The following SORCS1 variants were observed in gnomAD, a reference collection of about 807,000 sequenced individuals.
The protein encoded by SORCS1 is sortilin related VPS10 domain containing receptor 1.
SORCS1 carries 60 observed loss-of-function variants against 146.1 expected under a neutral mutation model. That is an observed-to-expected ratio of 0.41 (90% CI 0.33 to 0.51). The LOEUF (loss-of-function observed/expected upper bound fraction) is 0.51. Ranked by LOEUF, SORCS1 falls within the 20% of genes least tolerant of loss-of-function variation. SORCS1 has a pLI of 0.21. For missense variants in SORCS1, 1,352 were observed against 1,487.6 expected (o/e 0.91, Z 1.50); for synonymous variants, 637 against 584.0 (o/e 1.09, Z -1.31).
intron 3 of SORCS1, among the ~76,000 whole-genome samples, chr10:106,801,002 A>T (rs1285916557): frequency 6.6e-6 from 1 of 152,138 alleles, no homozygotes; most frequent in African/African-American, 2.4e-5. Flanking sequence ...CTCCTTTTCC[A>T]GACTGGAATA....
intron 3 of SORCS1, among the ~76,000 whole-genome samples, chr10:106,779,066 AGATG>A (rs1860687813): frequency 6.6e-6 from 1 of 151,262 alleles, no homozygotes; most frequent in Non-Finnish European, 1.5e-5. Context: ...ATTTCCCAAC[AGATG>A]GAAACTTAAT....
intron 1 of SORCS1, 55 bp downstream of exon 1, chr10:107,163,914 G>T: frequency 6.5e-7 from 1 of 1,548,358 alleles, no homozygotes; most frequent in Non-Finnish European, 8.8e-7. Flanking sequence ...TCACACAGCC[G>T]ACTTTAACCC....
At chr10:107,150,641 T>C (rs1968713201) in intron 1 of SORCS1, among the ~76,000 whole-genome samples, 3 of 152,238 alleles carry the variant, frequency 2.0e-5, no homozygotes, top group Admixed American at 2.0e-4. Context: ...CCAAATCTCA[T>C]CTTCAATTGT....
intron 14 of SORCS1, among the ~76,000 whole-genome samples, chr10:106,673,769 T>C (rs1305439267): frequency 2.0e-5 from 3 of 152,212 alleles, no homozygotes; most frequent in Non-Finnish European, 4.4e-5. Flanking sequence ...AATGGTTTCC[T>C]ACACTGTACA....
intron 25 of SORCS1, chr10:106,579,060 G>T (rs567991522): frequency 1.6e-5 from 26 of 1,610,936 alleles, no homozygotes; most frequent in Non-Finnish European, 8.5e-6. Flanking sequence ...CTACTCAGCC[G>T]AACAGCTGGT....
chr10:106,620,150 G>A (rs1183080541), intron 20 of SORCS1: 1 of 283,322 alleles, frequency 3.5e-6, no homozygotes, highest in Non-Finnish European at 6.6e-6. Context: ...TCTCTGCTAA[G>A]CTAGGGCTGC....
chr10:107,016,489 A>T (rs1442518884), intron 1 of SORCS1, among the ~76,000 whole-genome samples: 1 of 152,158 alleles, frequency 6.6e-6, no homozygotes, highest in Non-Finnish European at 1.5e-5. Flanking sequence ...TGTGCAACAG[A>T]ACAAGACTCT....
intron 2 of SORCS1, among the ~76,000 whole-genome samples, chr10:106,902,065 T>G (rs567173627): frequency 6.6e-6 from 1 of 152,208 alleles, no homozygotes; most frequent in African/African-American, 2.4e-5. Context: ...AATTAGATTT[T>G]ACTATTCTAT....
intron 1 of SORCS1, among the ~76,000 whole-genome samples, chr10:106,965,428 C>G (rs1033961166): frequency 6.6e-6 from 1 of 152,132 alleles, no homozygotes; most frequent in African/African-American, 2.4e-5. Flanking sequence ...GAGGTGGGTT[C>G]TGCCAGCAAA....
intron 1 of SORCS1, among the ~76,000 whole-genome samples, chr10:107,108,568 G>A (rs1965466853): frequency 6.6e-6 from 1 of 152,096 alleles, no homozygotes; most frequent in Admixed American, 6.5e-5. Flanking sequence ...CCTCCCACCA[G>A]GCCCCACCTC....
chr10:106,724,223 A>T (rs1273588436), intron 6 of SORCS1, among the ~76,000 whole-genome samples: 1 of 152,224 alleles, frequency 6.6e-6, no homozygotes, highest in Non-Finnish European at 1.5e-5. Flanking sequence ...AAATAAAGAT[A>T]TAAGGCCGGG....
intron 5 of SORCS1, among the ~76,000 whole-genome samples, chr10:106,760,060 A>G (rs1858961003): frequency 6.6e-6 from 1 of 152,082 alleles, no homozygotes; most frequent in South Asian, 2.1e-4. Context: ...CTATGATGTG[A>G]TGGTATTTGC....
intron 4 of SORCS1, among the ~76,000 whole-genome samples, chr10:106,762,082 T>C (rs1042338359): frequency 1.3e-5 from 2 of 152,126 alleles, no homozygotes; most frequent in African/African-American, 4.8e-5. Context: ...CTGGCTCACA[T>C]AATGAGAAAT....
chr10:106,586,993 G>C (rs1485106617), intron 24 of SORCS1, among the ~76,000 whole-genome samples: 1 of 152,108 alleles, frequency 6.6e-6, no homozygotes, highest in African/African-American at 2.4e-5. Context: ...CTGCACGCTG[G>C]TAGGTAGATG....
chr10:107,112,186 A>C (rs1965742237), intron 1 of SORCS1, among the ~76,000 whole-genome samples: 1 of 152,102 alleles, frequency 6.6e-6, no homozygotes, highest in African/African-American at 2.4e-5. Context: ...TAGCTATAAT[A>C]ATTTGTTAAT....
intron 22 of SORCS1, among the ~76,000 whole-genome samples, chr10:106,609,447 ACT>A (rs1484904698): frequency 6.6e-6 from 1 of 152,162 alleles, no homozygotes; most frequent in Non-Finnish European, 1.5e-5. Context: ...AAATAAGCTG[ACT>A]CTCAGTTGTA....
intron 21 of SORCS1, among the ~76,000 whole-genome samples, chr10:106,613,677 C>T (rs925607181): frequency 6.6e-6 from 1 of 152,216 alleles, no homozygotes; most frequent in Admixed American, 6.5e-5. Context: ...ACATAATAGA[C>T]TCAGATCATA....
chr10:106,840,861 A>ATTT (rs1334506432), intron 2 of SORCS1, among the ~76,000 whole-genome samples: 18 of 121,710 alleles, frequency 1.5e-4, no homozygotes, highest in African/African-American at 4.0e-4. Flanking sequence ...ATATATATAT[A>ATTT]TATTTTTTTT....
At chr10:106,914,550 T>A (rs1952320820) in intron 2 of SORCS1, among the ~76,000 whole-genome samples, 1 of 152,116 alleles carries the variant, frequency 6.6e-6, no homozygotes. Flanking sequence ...TAAACTGAGA[T>A]CAATGGCGGC....
Sources: allele counts gnomAD v4.1 joint callset (sites outside exome capture counted in the v4.1 genomes callset), GRCh38; gene constraint gnomAD v4.1.1; transcripts MANE v1.5; gene names NCBI Gene and HGNC (gene_info 2026-07-23, HGNC 2026-07-21).